The following BNC2 variants were observed in gnomAD, a reference collection of about 807,000 sequenced individuals.
The protein encoded by BNC2 is basonuclin zinc finger protein 2.
BNC2 carries 20 observed loss-of-function variants against 76.3 expected under a neutral mutation model. The ratio of observed to expected loss-of-function variants is 0.26; its 90% CI spans 0.18 to 0.38. BNC2 has a LOEUF of 0.38. Ranked by LOEUF, BNC2 falls within the 10% of genes least tolerant of loss-of-function variation. The probability of loss-of-function intolerance (pLI) is 1.00; values close to 1 mark genes in which losing one functional copy is unlikely to be tolerated. For missense variants in BNC2, 1,382 were observed against 1,399.8 expected (o/e 0.99, Z 0.20); for synonymous variants, 582 against 514.8 (o/e 1.13, Z -1.77).
At position 16,596,520 on chromosome 9, in the gene BNC2, G is replaced by C. The variant is rs113428922; in HGVS notation, c.331-13435C>G. Among the ~76,000 whole-genome samples, 802 of 152,240 alleles carry C rather than the reference G, an allele frequency of 5.3e-3. 6 individuals are homozygous for C. Among genetic ancestry groups the C allele is most frequent in the African/African-American group, 0.018 (755 of 41,546 alleles). On this transcript the variant is annotated intron_variant, in intron 3 of 6. Transcript: ENST00000380672. ...TTATTTTTACCTCTTTACACCATTT[G>C]TTTGTGGATCTATGGAGACATTTGG...
At chr9:16,849,321 G>T (rs1819068103) in intron 1 of BNC2, among the ~76,000 whole-genome samples, 1 of 146,300 alleles carries the variant, frequency 6.8e-6, no homozygotes, top group African/African-American at 2.5e-5. Context: ...ACAATAAAAT[G>T]ATTCCTAGAT....
At chr9:16,567,352 TA>T (rs1199002403) in intron 4 of BNC2, among the ~76,000 whole-genome samples, 1 of 152,206 alleles carries the variant, frequency 6.6e-6, no homozygotes, top group Non-Finnish European at 1.5e-5. Flanking sequence ...ACTGCTAACT[TA>T]AAGAACAAAG....
intron 1 of BNC2, among the ~76,000 whole-genome samples, chr9:16,756,990 CAAAAAAA>C (rs66931262): frequency 7.5e-6 from 1 of 133,570 alleles, no homozygotes; most frequent in Non-Finnish European, 1.6e-5. Flanking sequence ...GACTCTGTCT[CAAAAAAA>C]AAAAAAAAAA....
chr9:16,778,318 G>A (rs1415686802), intron 1 of BNC2, among the ~76,000 whole-genome samples: 2 of 152,162 alleles, frequency 1.3e-5, no homozygotes, highest in Non-Finnish European at 2.9e-5. Context: ...GCCTGGCAGA[G>A]GTATTAGAGC....
At chr9:16,469,049 G>A (rs1035229831) in intron 5 of BNC2, among the ~76,000 whole-genome samples, 2 of 152,154 alleles carry the variant, frequency 1.3e-5, no homozygotes, top group Non-Finnish European at 2.9e-5. Flanking sequence ...TTCAGCTTAT[G>A]TGCTATGGAA....
intron 4 of BNC2, among the ~76,000 whole-genome samples, chr9:16,555,495 ATG>A (rs1818801229): frequency 1.3e-5 from 2 of 151,620 alleles, no homozygotes; most frequent in African/African-American, 4.8e-5. Context: ...AGTGTACCAT[ATG>A]TTAGTAAGTA....
At chr9:16,802,738 G>A (rs1376013772) in intron 1 of BNC2, among the ~76,000 whole-genome samples, 1 of 152,122 alleles carries the variant, frequency 6.6e-6, no homozygotes, top group Non-Finnish European at 1.5e-5. Context: ...GATCATGGTG[G>A]GTTCTATGTG....
chr9:16,478,242 C>T (rs1587074710), intron 5 of BNC2, among the ~76,000 whole-genome samples: 1 of 152,164 alleles, frequency 6.6e-6, no homozygotes, highest in Admixed American at 6.5e-5. Context: ...TCCATTCTGG[C>T]AGGCTTTTCT....
chr9:16,574,705 T>C (rs552220697), intron 4 of BNC2, among the ~76,000 whole-genome samples: 1 of 152,318 alleles, frequency 6.6e-6, no homozygotes, highest in South Asian at 2.1e-4. Context: ...TTATCATTAA[T>C]ATTGATGTTT....
At chr9:16,543,569 A>ACTGCATT (rs1818388156) in intron 5 of BNC2, among the ~76,000 whole-genome samples, 1 of 152,188 alleles carries the variant, frequency 6.6e-6, no homozygotes, top group Admixed American at 6.5e-5. Context: ...TCCGGCAGTC[A>ACTGCATT]CTGCATTCCA....
At chr9:16,677,957 T>A (rs901757764) in intron 3 of BNC2, among the ~76,000 whole-genome samples, 4 of 152,162 alleles carry the variant, frequency 2.6e-5, no homozygotes, top group African/African-American at 9.7e-5. Flanking sequence ...ATCTTTTAAC[T>A]AGTAGCAGGA....
intron 2 of BNC2, among the ~76,000 whole-genome samples, chr9:16,735,420 G>A (rs1389576888): frequency 2.0e-5 from 3 of 151,602 alleles, no homozygotes; most frequent in Non-Finnish European, 4.4e-5. Context: ...AAAAAAAACA[G>A]GCTGGGGGCG....
intron 5 of BNC2, among the ~76,000 whole-genome samples, chr9:16,549,020 C>T (rs1397250106): frequency 6.6e-6 from 1 of 152,180 alleles, no homozygotes; most frequent in Non-Finnish European, 1.5e-5. Flanking sequence ...GACCGATGTG[C>T]CAGCCTTTTA....
chr9:16,795,132 A>T (rs1224051560), intron 1 of BNC2, among the ~76,000 whole-genome samples: 1 of 152,184 alleles, frequency 6.6e-6, no homozygotes, highest in East Asian at 1.9e-4. Context: ...ATGAGAATAA[A>T]AAGAAGGCTG....
intron 1 of BNC2, among the ~76,000 whole-genome samples, chr9:16,855,422 G>C (rs1218035004): frequency 1.3e-5 from 2 of 152,172 alleles, no homozygotes; most frequent in Non-Finnish European, 2.9e-5. Flanking sequence ...TTGTTAAATT[G>C]TTGTATTCTA....
chr9:16,801,815 C>G (rs937554936), intron 1 of BNC2, among the ~76,000 whole-genome samples: 1 of 151,750 alleles, frequency 6.6e-6, no homozygotes, highest in South Asian at 2.1e-4. Flanking sequence ...GGGATAATCC[C>G]TTACTGTATA....
intron 3 of BNC2, chr9:16,625,841 G>A (rs534485669): frequency 1.3e-5 from 2 of 152,252 alleles, no homozygotes; most frequent in South Asian, 2.1e-4. Context: ...CATGTGTGGC[G>A]GTATGATCTC....
intron 3 of BNC2, among the ~76,000 whole-genome samples, chr9:16,602,863 T>C (rs952842230): frequency 5.3e-5 from 8 of 152,344 alleles, no homozygotes; most frequent in African/African-American, 1.9e-4. Flanking sequence ...CATTTGATGC[T>C]GCCAAACCCT....
intron 3 of BNC2, among the ~76,000 whole-genome samples, chr9:16,686,958 A>G (rs1333388114): frequency 6.6e-6 from 1 of 152,146 alleles, no homozygotes; most frequent in Non-Finnish European, 1.5e-5. Flanking sequence ...TCTTTACCCA[A>G]GAGTTTCACA....
Sources: gnomAD v4.1 joint callset for allele counts (sites outside exome capture counted in the v4.1 genomes callset) on GRCh38, gnomAD v4.1.1 for gene constraint, MANE v1.5 for transcripts, NCBI Gene and HGNC (gene_info 2026-07-23, HGNC 2026-07-21) for gene names.